Variants in PDE1C observed in about 807,000 individuals in gnomAD.
PDE1C encodes the protein phosphodiesterase 1C.
PDE1C carries 62 observed loss-of-function variants against 93.1 expected under a neutral mutation model. That is an observed-to-expected ratio of 0.67 (90% CI 0.54 to 0.82). The LOEUF (loss-of-function observed/expected upper bound fraction) is 0.82. Among genes scored for constraint, PDE1C ranks in the 40% least tolerant of loss-of-function variants. The probability of loss-of-function intolerance (pLI) is 0.00; values close to 1 mark genes in which losing one functional copy is unlikely to be tolerated. For missense variants in PDE1C, 742 were observed against 884.6 expected, an observed-to-expected ratio of 0.84 and a Z score of 2.04; for synonymous variants, 325 against 310.1, an observed-to-expected ratio of 1.05 and a Z score of -0.50.
intron 15 of PDE1C, among the ~76,000 whole-genome samples, chr7:31,809,743 T>G (rs2128711241): frequency 6.6e-6 from 1 of 152,234 alleles, no homozygotes; most frequent in African/African-American, 2.4e-5. Context: ...ATATATTTGC[T>G]AAGTTAGAGA....
In PDE1C at chr7:32,068,212, C is replaced by T. The variant is rs1463258289; in HGVS notation, c.101+2081G>A. Among the ~76,000 whole-genome samples the T allele has an allele frequency of 1.3e-5, 2 of 152,232 alleles. 1 individual carries two copies. Among genetic ancestry groups the T allele is most frequent in the Non-Finnish European group, 2.9e-5 (2 of 68,046 alleles). On this transcript the variant is annotated intron_variant, in intron 1 of 17. Transcript: ENST00000396191. ...TGAAAGAGCAGCTTCCTTTCTCTTA[C>T]TGACAATCTGTTGTGTGGACAAATA...
chr7:32,120,253 C>T (rs1372986618), intron 3 of PDE1C, among the ~76,000 whole-genome samples: 1 of 152,194 alleles, frequency 6.6e-6, no homozygotes, highest in Non-Finnish European at 1.5e-5. Context: ...TGGGCCTGAG[C>T]CCCTAGGGGG....
chr7:32,266,557 G>A (rs1810589543), intron 1 of PDE1C, among the ~76,000 whole-genome samples: 2 of 152,160 alleles, frequency 1.3e-5, no homozygotes, highest in African/African-American at 2.4e-5. Flanking sequence ...GTGAGGGAGA[G>A]GAATAAACAA....
At chr7:32,238,061 C>T (rs1344489255) in intron 1 of PDE1C, among the ~76,000 whole-genome samples, 1 of 152,114 alleles carries the variant, frequency 6.6e-6, no homozygotes, top group Non-Finnish European at 1.5e-5. Flanking sequence ...TAAACCACCA[C>T]ACCTGGCCAA....
chr7:31,749,234 T>C (rs942280602), downstream of PDE1C, among the ~76,000 whole-genome samples: 21 of 151,880 alleles, frequency 1.4e-4, no homozygotes, highest in African/African-American at 2.4e-5. Flanking sequence ...CTTTGTGAGG[T>C]TGATATTATA....
At chr7:31,847,874 T>C (rs1182817115) in intron 9 of PDE1C, 94 bp downstream of exon 9, 13 of 1,326,326 alleles carry the variant, frequency 9.8e-6, no homozygotes, top group African/African-American at 4.3e-5. Context: ...ATCAACATTT[T>C]AAGCAAGGTG....
intron 3 of PDE1C, among the ~76,000 whole-genome samples, chr7:32,086,866 A>C (rs1300209722): frequency 6.6e-6 from 1 of 151,924 alleles, no homozygotes; most frequent in Non-Finnish European, 1.5e-5. Context: ...AGACGGATTA[A>C]AGACTTACAT....
chr7:32,090,627 TTGGATCAAGGA>T (rs1272572254), intron 3 of PDE1C, among the ~76,000 whole-genome samples: 1 of 152,186 alleles, frequency 6.6e-6, no homozygotes, highest in Non-Finnish European at 1.5e-5. Flanking sequence ...ACCCCACGGT[TTGGATCAAGGA>T]TGGATCAAGG....
intron 16 of PDE1C, 55 bp from the exon 17 acceptor site, chr7:31,775,787 G>C (rs933342294): frequency 4.0e-5 from 57 of 1,416,684 alleles, no homozygotes; most frequent in Non-Finnish European, 5.4e-5. Flanking sequence ...AAACCTGTTG[G>C]ACAAGTAAAT....
chr7:32,295,028 C>T (rs1028052221), intron 1 of PDE1C, among the ~76,000 whole-genome samples: 1 of 152,202 alleles, frequency 6.6e-6, no homozygotes, highest in African/African-American at 2.4e-5. Flanking sequence ...GAGAAAATTA[C>T]ATAAAGAGGA....
the PDE1C span, among the ~76,000 whole-genome samples, chr7:31,736,740 A>G: frequency 6.6e-6 from 1 of 152,192 alleles, no homozygotes; most frequent in South Asian, 2.1e-4. Context: ...TAAAAATGTT[A>G]TAGAGTTAAT....
chr7:32,407,603 G>A (rs961193352), intron 1 of PDE1C, among the ~76,000 whole-genome samples: 2 of 152,154 alleles, frequency 1.3e-5, no homozygotes, highest in South Asian at 2.1e-4. Context: ...GAATGTATAT[G>A]TGAGAGAGCC....
the PDE1C span, among the ~76,000 whole-genome samples, chr7:31,624,996 T>A: frequency 1.2e-4 from 18 of 152,186 alleles, no homozygotes; most frequent in African/African-American, 4.3e-4. Flanking sequence ...AGAAGACATT[T>A]ATGCAGTCAA....
chr7:32,263,770 T>A (rs1276537034), intron 1 of PDE1C, among the ~76,000 whole-genome samples: 1 of 152,200 alleles, frequency 6.6e-6, no homozygotes, highest in Admixed American at 6.5e-5. Flanking sequence ...ACACTTTTTT[T>A]ATAAGAGAAT....
At chr7:31,841,817 C>A (rs1019342991) in intron 9 of PDE1C, among the ~76,000 whole-genome samples, 3 of 152,072 alleles carry the variant, frequency 2.0e-5, no homozygotes, top group Admixed American at 2.0e-4. Context: ...CCAAGATCTG[C>A]AGGGTAAATC....
intron 2 of PDE1C, among the ~76,000 whole-genome samples, chr7:31,975,973 T>G (rs1271059867): frequency 2.0e-5 from 3 of 152,246 alleles, no homozygotes; most frequent in Admixed American, 2.0e-4. Flanking sequence ...ATGGTATCTT[T>G]GTCTCTTTTC....
intron 6 of PDE1C, among the ~76,000 whole-genome samples, chr7:31,870,255 G>A (rs7777004): frequency 0.08 from 12,090 of 151,862 alleles, 569 homozygotes; most frequent in Middle Eastern, 0.16. Flanking sequence ...GAAGATCAGA[G>A]CAGAATTAAA....
chr7:31,832,602 T>A (rs1296826877), intron 11 of PDE1C, among the ~76,000 whole-genome samples: 1 of 152,208 alleles, frequency 6.6e-6, no homozygotes, highest in African/African-American at 2.4e-5. Context: ...TGAGGCAGCA[T>A]TTCTCTTACA....
At chr7:31,917,830 CA>C (rs1053251677) in intron 2 of PDE1C, among the ~76,000 whole-genome samples, 1 of 152,036 alleles carries the variant, frequency 6.6e-6, no homozygotes, top group African/African-American at 2.4e-5. Flanking sequence ...AAATGACTTG[CA>C]AAAAATATCT....
Sources: allele counts gnomAD v4.1 joint callset (sites outside exome capture counted in the v4.1 genomes callset), GRCh38; gene constraint gnomAD v4.1.1; transcripts MANE v1.5; gene names NCBI Gene and HGNC (gene_info 2026-07-23, HGNC 2026-07-21).